Variants in DCC observed in about 807,000 individuals in gnomAD.
The protein encoded by DCC is netrin receptor DCC.
Under a neutral mutation model 172.5 loss-of-function variants are expected in DCC, and 58 were observed. That is an observed-to-expected ratio of 0.34 (90% CI 0.27 to 0.42). The LOEUF is 0.42. Ranked by LOEUF, DCC falls within the 10% of genes least tolerant of loss-of-function variation. DCC has a pLI of 1.00. For missense variants in DCC, 1,740 were observed against 1,791.0 expected, an observed-to-expected ratio of 0.97 and a Z score of 0.51; for synonymous variants, 709 against 644.5, an observed-to-expected ratio of 1.10 and a Z score of -1.52.
At chr18:53,032,966 TCA>T (rs1044378505) in intron 5 of DCC, among the ~76,000 whole-genome samples, 21 of 152,138 alleles carry the variant, frequency 1.4e-4, no homozygotes, top group African/African-American at 5.1e-4. Context: ...ACCTAGTTGT[TCA>T]CATAAAGACT....
chr18:53,518,081 C>T (rs1197122196), intron 27 of DCC, among the ~76,000 whole-genome samples: 1 of 152,042 alleles, frequency 6.6e-6, no homozygotes, highest in Non-Finnish European at 1.5e-5. Flanking sequence ...CCAGATAACC[C>T]GAGCACAGGC....
intron 1 of DCC, among the ~76,000 whole-genome samples, chr18:52,458,137 T>C (rs1338292051): frequency 1.3e-5 from 2 of 152,148 alleles, no homozygotes; most frequent in Non-Finnish European, 2.9e-5. Context: ...GACCAAACCT[T>C]GGTCAAACCT....
chr18:53,224,063 C>A (rs955781384), intron 12 of DCC, among the ~76,000 whole-genome samples: 2 of 152,174 alleles, frequency 1.3e-5, no homozygotes, highest in African/African-American at 2.4e-5. Context: ...GCCTTCTTTT[C>A]TAGAGCTTAC....
intron 15 of DCC, among the ~76,000 whole-genome samples, chr18:53,359,266 T>C (rs1459028062): frequency 6.6e-6 from 1 of 152,172 alleles, no homozygotes; most frequent in East Asian, 1.9e-4. Context: ...CAAGAGTCCA[T>C]GCTGTATATT....
intron 11 of DCC, among the ~76,000 whole-genome samples, chr18:53,210,621 A>T (rs929708342): frequency 2.0e-5 from 3 of 152,160 alleles, no homozygotes; most frequent in Non-Finnish European, 4.4e-5. Flanking sequence ...CATTTGTGGA[A>T]CTAATTTGAT....
intron 1 of DCC, among the ~76,000 whole-genome samples, chr18:52,593,316 G>C (rs2033840217): frequency 6.6e-6 from 1 of 152,160 alleles, no homozygotes; most frequent in Non-Finnish European, 1.5e-5. Flanking sequence ...TTCACGTGGT[G>C]TGATCTGCAT....
At chr18:52,817,182 G>T (rs147153886) in intron 2 of DCC, among the ~76,000 whole-genome samples, 192 of 152,168 alleles carry the variant, frequency 1.3e-3, no homozygotes, top group African/African-American at 4.2e-3. Flanking sequence ...ACATATGTAA[G>T]AATGGAAAAA....
intron 1 of DCC, among the ~76,000 whole-genome samples, chr18:52,628,499 C>T (rs2034614798): frequency 1.3e-5 from 2 of 152,348 alleles, no homozygotes; most frequent in South Asian, 4.1e-4. Flanking sequence ...TTGCCTTCAT[C>T]TGTGTGTACA....
At chr18:53,125,897 T>C (rs1396731131) in intron 7 of DCC, among the ~76,000 whole-genome samples, 4 of 152,072 alleles carry the variant, frequency 2.6e-5, no homozygotes, top group Non-Finnish European at 5.9e-5. Flanking sequence ...ATGAAACAGA[T>C]ACATTATACA....
chr18:52,607,392 C>T (rs543653309), intron 1 of DCC, among the ~76,000 whole-genome samples: 11 of 152,216 alleles, frequency 7.2e-5, no homozygotes, highest in African/African-American at 2.6e-4. Context: ...CCTACAACAT[C>T]GGGGTACCAC....
chr18:52,644,794 A>AGG (rs1217810919), intron 1 of DCC, among the ~76,000 whole-genome samples: 23 of 9,272 alleles, frequency 2.5e-3, no homozygotes, highest in Middle Eastern at 0.083. Flanking sequence ...GAAAGAAGGA[A>AGG]AGAAGGAAGG....
intron 12 of DCC, among the ~76,000 whole-genome samples, chr18:53,284,091 C>A (rs1475354092): frequency 6.6e-6 from 1 of 152,104 alleles, no homozygotes; most frequent in Non-Finnish European, 1.5e-5. Context: ...CATTCATTTG[C>A]ACGTGGCATT....
chr18:52,788,101 T>A (rs891600107), intron 2 of DCC, among the ~76,000 whole-genome samples: 13 of 152,210 alleles, frequency 8.5e-5, no homozygotes, highest in African/African-American at 2.9e-4. Context: ...ATTTAGTTAA[T>A]GTTTACACAT....
At chr18:52,465,479 G>C (rs1988759484) in intron 1 of DCC, among the ~76,000 whole-genome samples, 2 of 152,142 alleles carry the variant, frequency 1.3e-5, no homozygotes, top group African/African-American at 4.8e-5. Flanking sequence ...GAGTCTCACA[G>C]TTATTATAGG....
At chr18:52,762,485 A>C (rs1053475661) in intron 2 of DCC, among the ~76,000 whole-genome samples, 8 of 149,362 alleles carry the variant, frequency 5.4e-5, no homozygotes, top group Non-Finnish European at 1.2e-4. Context: ...AAAAAAAAAA[A>C]CAAACATTTT....
At chr18:53,006,529 G>A (rs2041649042) in intron 5 of DCC, among the ~76,000 whole-genome samples, 1 of 152,184 alleles carries the variant, frequency 6.6e-6, no homozygotes, top group African/African-American at 2.4e-5. Flanking sequence ...TAAACTTGGG[G>A]TAAATATACA....
At chr18:53,112,905 T>G (rs7233664) in intron 7 of DCC, among the ~76,000 whole-genome samples, 25,110 of 151,476 alleles carry the variant, frequency 0.17, 2,736 homozygotes, top group African/African-American at 0.31. Context: ...TATAAGCCTT[T>G]TTGCTTAATT....
chr18:52,618,206 G>GA lies in DCC; in HGVS notation c.92-133839dup, dbSNP rs533008229. ...ATCACCTCTGTCATCCTTTAGAATG[G>GA]AAAAAAAAACTTATTCATAAACTCA... On this transcript the variant is annotated intron_variant, in intron 1 of 28. Coordinates refer to ENST00000442544, the MANE Select transcript of DCC (RefSeq NM_005215.4). 6.3e-3 allele frequency among the ~76,000 whole-genome samples: 943 copies of GA among 149,840 alleles called. 9 individuals are homozygous for GA. The highest frequency in any genetic ancestry group is 9.0e-3 in the Non-Finnish European group (607 of 67,482).
At chr18:52,444,740 G>A (rs141028861) in intron 1 of DCC, among the ~76,000 whole-genome samples, 17 of 152,014 alleles carry the variant, frequency 1.1e-4, no homozygotes, top group East Asian at 3.9e-4. Flanking sequence ...GAATGTATTC[G>A]GAGTAATCAT....
Sources: allele counts gnomAD v4.1 joint callset (sites outside exome capture counted in the v4.1 genomes callset), GRCh38; gene constraint gnomAD v4.1.1; transcripts MANE v1.5; gene names NCBI Gene and HGNC (gene_info 2026-07-23, HGNC 2026-07-21).